Variants in LCA5 observed in about 807,000 individuals in gnomAD.
LCA5 encodes lebercilin.
LCA5 carries 37 observed loss-of-function variants against 53.0 expected under a neutral mutation model. The ratio of observed to expected loss-of-function variants is 0.70; its 90% CI spans 0.54 to 0.92. The LOEUF (loss-of-function observed/expected upper bound fraction) is 0.92. Ranked by LOEUF, LCA5 falls within the 40% of genes least tolerant of loss-of-function variation. LCA5 has a pLI of 0.00. For missense variants in LCA5, 806 were observed against 790.5 expected (o/e 1.02, Z -0.23); for synonymous variants, 303 against 282.9 (o/e 1.07, Z -0.71).
rs138714895 is a variant in LCA5, at chr6:79,488,190, T to C, written c.1232-324A>G. 21 of 226,098 alleles carry C rather than the reference T, an allele frequency of 9.3e-5. No homozygotes were observed. In the East Asian group the frequency reaches 2.2e-3, roughly 24 times the overall value. 14.0% of individuals were successfully genotyped at this position (226,098 alleles called of 1,614,324 possible). A position where few individuals can be genotyped will look rare whatever the true frequency, so the allele number is the denominator to read the frequency against. On this transcript the variant is annotated intron_variant, in intron 7 of 7. Transcript: ENST00000369846. ...ATGGATGGATAGATGGAGCAAAGAC[T>C]CTACACTTAAAAATAAATGAAACCT... is the stretch of plus-strand genomic sequence containing the variant.
intron 3 of LCA5, among the ~76,000 whole-genome samples, chr6:79,512,608 C>T (rs1766263834): frequency 6.7e-6 from 1 of 148,974 alleles, no homozygotes; most frequent in South Asian, 2.2e-4. Context: ...TGACTCAGGG[C>T]TTCTGTTTGA....
In LCA5 at chr6:79,493,632, C is replaced by T. The variant is rs542672738; in HGVS notation, c.839G>A (p.Arg280Gln). Residue 280 changes from arginine (R) to glutamine (Q), a missense_variant, in exon 4 of 8, where the codon CGA becomes CAA. Transcript: ENST00000369846. The stretch of plus-strand genomic sequence containing the variant: ...ACTTACCTTTAATTTGTGATATAGT[C>T]GCTGTACCTCCTTTTGAAGAACTTT... ...ENKVLQKEVQ[R>Q]LYHKLKEKER... 33 of 1,613,266 alleles carry T rather than the reference C, an allele frequency of 2.0e-5. No individual in the cohort carries two copies. In the South Asian group the frequency reaches 2.2e-4, roughly 11 times the overall value.
upstream of LCA5, among the ~76,000 whole-genome samples, chr6:79,538,619 G>A (rs62413365): frequency 0.025 from 3,880 of 152,250 alleles, 58 homozygotes; most frequent in Middle Eastern, 0.071. Flanking sequence ...CGTTATTATG[G>A]ACTCTGTTAG....
upstream of LCA5, among the ~76,000 whole-genome samples, chr6:79,538,170 G>T (rs1223413437): frequency 2.0e-5 from 3 of 151,048 alleles, no homozygotes; most frequent in Non-Finnish European, 1.5e-5. Context: ...ATCCTCTTTC[G>T]TGAGGGCTTT....
intron 1 of LCA5, among the ~76,000 whole-genome samples, chr6:79,528,391 A>G (rs562070118): frequency 1.2e-4 from 18 of 152,232 alleles, no homozygotes; most frequent in African/African-American, 4.3e-4. Flanking sequence ...AGCTCTCCAC[A>G]TACCCAGTGC....
chr6:79,517,818 C>T (rs116843610), intron 2 of LCA5, among the ~76,000 whole-genome samples: 2,016 of 152,182 alleles, frequency 0.013, 24 homozygotes, highest in Non-Finnish European at 0.022. Flanking sequence ...GCTAACTATT[C>T]GCCACAAAAA....
intron 1 of LCA5, among the ~76,000 whole-genome samples, chr6:79,533,448 T>G (rs1162549069): frequency 1.3e-5 from 2 of 152,040 alleles, no homozygotes; most frequent in African/African-American, 4.8e-5. Flanking sequence ...AGGAAAATTA[T>G]AAGCCTTGTG....
chr6:79,496,274 C>T (rs1199075510), intron 3 of LCA5, among the ~76,000 whole-genome samples: 1 of 152,106 alleles, frequency 6.6e-6, no homozygotes. Flanking sequence ...AACAGTTGGG[C>T]AGTAAAACAT....
intron 3 of LCA5, among the ~76,000 whole-genome samples, chr6:79,502,803 A>G (rs1045690764): frequency 5.9e-5 from 9 of 152,158 alleles, no homozygotes; most frequent in Non-Finnish European, 1.2e-4. Context: ...ACAAATTAAT[A>G]GAGCAACAGA....
Position 79,486,014 on chromosome 6 carries a change from T to G in LCA5, c.*990A>C, listed in dbSNP as rs886677785. 3 of 152,216 alleles carry G rather than the reference T, an allele frequency of 2.0e-5. No homozygotes were observed. Among genetic ancestry groups the G allele is most frequent in the Middle Eastern group, 3.2e-3 (1 of 314 alleles). The allele number at this position is 152,216 out of a possible 1,614,324, so 9.4% of individuals were successfully genotyped here. On this transcript the variant is annotated 3_prime_UTR_variant, in exon 8 of 8. Coordinates refer to ENST00000369846, the MANE Select transcript of LCA5 (RefSeq NM_001122769.3). ...TGAAACACTTCTATTCAAAGTTGCT[T>G]TAAAACTAATCCTGTAAGTCCAATA...
At chr6:79,523,247 G>A (rs1316415624) in intron 1 of LCA5, among the ~76,000 whole-genome samples, 1 of 151,952 alleles carries the variant, frequency 6.6e-6, no homozygotes, top group African/African-American at 2.4e-5. Flanking sequence ...CCTATGGCAA[G>A]TACTAATATT....
rs1769845681 is a variant in LCA5, at chr6:79,491,621, T to C, written c.1065A>G (p.Glu355=). ...PLTPETIMCY[E]NKWEEPGHLT... The stretch of plus-strand genomic sequence containing the variant: ...GATGTCCTGGTTCTTCCCATTTGTT[T>C]TCGTAACACATAATTGTTTCTGGAG... Residue 355 remains glutamate, a synonymous_variant, in exon 6 of 8, where the codon GAA becomes GAG. Transcript: ENST00000369846. 1 of 1,613,204 alleles carries C rather than the reference T, an allele frequency of 6.2e-7. No homozygotes were observed. Among genetic ancestry groups the C allele is most frequent in the East Asian group, 2.2e-5 (1 of 44,798 alleles).
At chr6:79,511,222 C>T (rs1051097358) in intron 3 of LCA5, among the ~76,000 whole-genome samples, 2 of 152,026 alleles carry the variant, frequency 1.3e-5, no homozygotes, top group African/African-American at 4.8e-5. Context: ...GTCAAGAGCC[C>T]AAAACTGGAA....
intron 3 of LCA5, among the ~76,000 whole-genome samples, chr6:79,499,495 T>C (rs926334376): frequency 7.2e-5 from 11 of 151,896 alleles, no homozygotes; most frequent in African/African-American, 2.4e-4. Context: ...AAAGCAAAAA[T>C]AGAAAAATAT....
At chr6:79,528,285 T>C (rs1766851052) in intron 1 of LCA5, among the ~76,000 whole-genome samples, 1 of 152,088 alleles carries the variant, frequency 6.6e-6, no homozygotes, top group African/African-American at 2.4e-5. Context: ...CCCTCTTGTC[T>C]CTCTAGGTGG....
chr6:79,511,716 A>G (rs1392316577), intron 3 of LCA5, among the ~76,000 whole-genome samples: 6 of 152,162 alleles, frequency 3.9e-5, no homozygotes, highest in African/African-American at 1.4e-4. Flanking sequence ...CTGCATGTCA[A>G]TTTACAATGA....
intron 3 of LCA5, among the ~76,000 whole-genome samples, chr6:79,498,506 C>A (rs1411693461): frequency 6.6e-6 from 1 of 152,016 alleles, no homozygotes; most frequent in African/African-American, 2.4e-5. Flanking sequence ...AACCTGGAAT[C>A]CAGCAAGACC....
chr6:79,518,708 G>T lies in LCA5; in HGVS notation c.187C>A (p.Gln63Lys), dbSNP rs780100041. 1 of 1,613,928 alleles carries T rather than the reference G, an allele frequency of 6.2e-7. No homozygotes were observed. The highest frequency in any genetic ancestry group is 8.5e-7 in the Non-Finnish European group (1 of 1,179,870). ...RQTSDGQVHH[Q>K]APRKPSPKGL... ...GACTCTTTTAAAGAATGCTTACCTT[G>T]GTGATGTACTTGGCCATCTGAAGTT... Residue 63 changes from glutamine to lysine, a missense_variant, in exon 2 of 8, where the codon CAA (glutamine) becomes AAA (lysine). By Grantham distance (53) the Gln-to-Lys change is moderately conservative (BLOSUM62 1). Coordinates refer to ENST00000369846, the MANE Select transcript of LCA5 (RefSeq NM_001122769.3).
intron 3 of LCA5, among the ~76,000 whole-genome samples, chr6:79,497,505 A>T (rs1378177949): frequency 6.6e-6 from 1 of 152,218 alleles, no homozygotes; most frequent in Non-Finnish European, 1.5e-5. Context: ...GAAGTTAAGG[A>T]TATTCTATTA....
Sources: allele counts gnomAD v4.1 joint callset (sites outside exome capture counted in the v4.1 genomes callset), GRCh38; gene constraint gnomAD v4.1.1; transcripts MANE v1.5; gene names NCBI Gene and HGNC (gene_info 2026-07-23, HGNC 2026-07-21).